ERICH1: variants seen among roughly 807,000 people sequenced by gnomAD.
ERICH1 encodes glutamate rich 1.
Under a neutral mutation model 39.6 loss-of-function variants are expected in ERICH1, and 56 were observed. The observed-to-expected ratio is 1.41, with a 90% CI of 1.14 to 1.77. The LOEUF (loss-of-function observed/expected upper bound fraction) is 1.77, where lower values mean the gene tolerates loss of function less well. ERICH1 is among the 40% of genes most tolerant of loss of function. The probability of loss-of-function intolerance (pLI) is 0.00; values close to 1 mark genes in which losing one functional copy is unlikely to be tolerated. For missense variants in ERICH1, 826 were observed against 575.4 expected, an observed-to-expected ratio of 1.44 and a Z score of -4.45; for synonymous variants, 313 against 223.6, an observed-to-expected ratio of 1.40 and a Z score of -3.57.
At chr8:632,867 G>A (rs979167774) in intron 3 of ERICH1, among the ~76,000 whole-genome samples, 3 of 152,206 alleles carry the variant, frequency 2.0e-5, no homozygotes, top group African/African-American at 7.2e-5. Flanking sequence ...ATCTGTGGGT[G>A]GAGACCACGG....
chr8:671,974 G>C (rs940997213), intron 4 of ERICH1: 1 of 157,768 alleles, frequency 6.3e-6, no homozygotes, highest in African/African-American at 2.4e-5. Context: ...CTGCCTCTCT[G>C]GGCTCCACCA....
rs1563387695 is a variant in ERICH1, at chr8:729,798, T to TA, written c.22+1341_22+1342insT. On this transcript the variant is annotated intron_variant, in intron 1 of 5. Transcript: ENST00000262109. ...TTAACAGCTTTCATTCACTTTAATT[T>TA]GGTGAATGGAGAAAGGTTTTTTTTT... is the stretch of plus-strand genomic sequence containing the variant. Among the ~76,000 whole-genome samples the TA allele has an allele frequency of 9.5e-4, 139 of 146,008 alleles. 1 individual carries two copies. The highest frequency in any genetic ancestry group is 3.4e-3 in the African/African-American group (135 of 39,762).
At chr8:712,244 G>C (rs1021988344) in intron 2 of ERICH1, among the ~76,000 whole-genome samples, 1 of 152,160 alleles carries the variant, frequency 6.6e-6, no homozygotes, top group Non-Finnish European at 1.5e-5. Flanking sequence ...GGAAGAATGA[G>C]TATCTCTATA....
At chr8:650,519 A>G (rs1799809698) in intron 3 of ERICH1, among the ~76,000 whole-genome samples, 1 of 152,154 alleles carries the variant, frequency 6.6e-6, no homozygotes, top group Admixed American at 6.5e-5. Flanking sequence ...ACCTCCCAGC[A>G]GCAGCCGCCC....
intron 2 of ERICH1, among the ~76,000 whole-genome samples, chr8:694,685 C>T (rs899259257): frequency 6.6e-6 from 1 of 152,184 alleles, no homozygotes. Context: ...CTGTGAATCA[C>T]GGTGACCATG....
At chr8:678,528 T>C (rs1029207960) in intron 3 of ERICH1, among the ~76,000 whole-genome samples, 1 of 152,224 alleles carries the variant, frequency 6.6e-6, no homozygotes, top group African/African-American at 2.4e-5. Flanking sequence ...TTAGATAGGT[T>C]CACCTGTGAC....
intron 3 of ERICH1, among the ~76,000 whole-genome samples, chr8:688,178 G>A (rs144023731): frequency 0.018 from 2,737 of 151,962 alleles, 31 homozygotes; most frequent in Middle Eastern, 0.034. Context: ...GTGGCGAGCC[G>A]GGGCGCAGGA....
intron 2 of ERICH1, among the ~76,000 whole-genome samples, chr8:705,827 C>T (rs1813145866): frequency 6.6e-6 from 1 of 152,318 alleles, no homozygotes; most frequent in African/African-American, 2.4e-5. Context: ...CCACAAAAGA[C>T]ACTGGTGAAA....
rs760926063 is a variant in ERICH1 at position 636,191 on chromosome 8, G to C, written c.977-20907C>G. 1.3e-5 allele frequency among the ~76,000 whole-genome samples: 2 copies of C among 152,240 alleles called. 1 individual carries two copies. Among genetic ancestry groups the C allele is most frequent in the African/African-American group, 4.8e-5 (2 of 41,558 alleles). ...CCGGCCACCTCCACTGCCCTGGGCC[G>C]AGCTGAATCCCTGCGCCCCAACCAC... On this transcript the variant is annotated intron_variant, in intron 3 of 3. Transcript: ENST00000522706.
chr8:730,931 C>A (rs1372793981), intron 1 of ERICH1, among the ~76,000 whole-genome samples: 1 of 152,172 alleles, frequency 6.6e-6, no homozygotes, highest in Admixed American at 6.5e-5. Flanking sequence ...CGACCAGCAG[C>A]CATGCAAGCA....
At chr8:722,309 C>T (rs1420299223) in intron 1 of ERICH1, among the ~76,000 whole-genome samples, 1 of 151,636 alleles carries the variant, frequency 6.6e-6, no homozygotes, top group African/African-American at 2.4e-5. Context: ...GACACAACAA[C>T]AAAAGGCCAA....
chr8:619,337 C>G (rs1303601729), intron 3 of ERICH1, among the ~76,000 whole-genome samples: 1 of 152,200 alleles, frequency 6.6e-6, no homozygotes, highest in African/African-American at 2.4e-5. Context: ...CAAGGGGATT[C>G]TGTAGATAAT....
At chr8:705,636 C>T (rs1051874689) in intron 2 of ERICH1, among the ~76,000 whole-genome samples, 7 of 151,622 alleles carry the variant, frequency 4.6e-5, no homozygotes, top group Admixed American at 2.6e-4. Flanking sequence ...TTCCCACTCA[C>T]GGCACTTTTT....
At chr8:682,467 T>C (rs1457414972) in intron 3 of ERICH1, among the ~76,000 whole-genome samples, 1 of 152,188 alleles carries the variant, frequency 6.6e-6, no homozygotes, top group Non-Finnish European at 1.5e-5. Flanking sequence ...TCTCCACTCA[T>C]GCTGCACCCT....
At chr8:724,774 AT>A (rs1206241655) in intron 1 of ERICH1, among the ~76,000 whole-genome samples, 6 of 152,308 alleles carry the variant, frequency 3.9e-5, no homozygotes, top group African/African-American at 1.4e-4. Context: ...CCCATAAGGG[AT>A]TCCACACCGA....
At chr8:664,718 A>C in intron 5 of ERICH1, 42 bp from the exon 6 acceptor site, 2 of 1,509,718 alleles carry the variant, frequency 1.3e-6, no homozygotes, top group Non-Finnish European at 1.8e-6. Flanking sequence ...AAACAAAGAC[A>C]AAAAGAAAAA....
chr8:673,170 A>G (rs1230699168), intron 4 of ERICH1, 119 bp downstream of exon 4: 1 of 1,239,882 alleles, frequency 8.1e-7, no homozygotes, highest in East Asian at 2.6e-5. Flanking sequence ...CCTTACAACT[A>G]ATTATTTTAC....
At position 673,701 on chromosome 8, in the gene ERICH1, G is replaced by C. The variant is rs1053959827; in HGVS notation, c.651C>G (p.Asp217Glu). The C allele has an allele frequency of 3.1e-6, 5 of 1,613,850 alleles. No homozygotes were observed. The highest frequency in any genetic ancestry group is 2.7e-5 in the African/African-American group (2 of 74,880). ...EEDGVDTSEE[D>E]PTLAGEEDVK... Reference sequence around the variant, plus strand: ...CGTCTTCCTCCCCGGCCAGTGTCGGGTCTTCCTCGCTGGTGTCCACACCAT... The same window carrying C: ...CGTCTTCCTCCCCGGCCAGTGTCGGCTCTTCCTCGCTGGTGTCCACACCAT... The change falls in exon 4 of 6, where the codon GAC (aspartate) becomes GAG (glutamate). Residue 217 changes from aspartate to glutamate, a missense_variant. Transcript: ENST00000262109.
intron 3 of ERICH1, among the ~76,000 whole-genome samples, chr8:623,349 T>C (rs1797403805): frequency 6.6e-6 from 1 of 152,262 alleles, no homozygotes; most frequent in Non-Finnish European, 1.5e-5. Context: ...CCTTTCATAA[T>C]AAAAGGATGC....
Sources: gnomAD v4.1 joint callset for allele counts (sites outside exome capture counted in the v4.1 genomes callset) on GRCh38, gnomAD v4.1.1 for gene constraint, MANE v1.5 for transcripts, NCBI Gene and HGNC (gene_info 2026-07-23, HGNC 2026-07-21) for gene names.